The following NIPSNAP3B variants were observed in gnomAD, a reference collection of about 807,000 sequenced individuals.
The protein encoded by NIPSNAP3B is protein NipSnap homolog 3B.
A neutral mutation model predicts 31.5 loss-of-function variants in NIPSNAP3B; 30 were observed. The observed-to-expected ratio is 0.95, with a 90% CI of 0.71 to 1.29. NIPSNAP3B has a LOEUF of 1.29. Ranked by LOEUF, NIPSNAP3B falls within the 50% of genes most tolerant of loss-of-function variation. The pLI, the probability that NIPSNAP3B is intolerant of heterozygous loss-of-function variation, is 0.00. For synonymous variants in NIPSNAP3B, 106 were observed against 107.9 expected, an observed-to-expected ratio of 0.98 and a Z score of 0.11; for missense variants, 269 against 300.7, an observed-to-expected ratio of 0.89 and a Z score of 0.78.
downstream of NIPSNAP3B, chr9:104,781,979 G>A (rs1374479857): frequency 2.0e-5 from 3 of 152,126 alleles, no homozygotes; most frequent in East Asian, 5.8e-4. Flanking sequence ...TTCAGAAGAG[G>A]TCCTTTCAAT....
rs1828357188 is a variant in NIPSNAP3B, at chr9:104,777,306, T to C, written c.*4233T>C. 1 of 152,254 alleles carries C rather than the reference T, an allele frequency of 6.6e-6. No homozygotes were observed. Among genetic ancestry groups the C allele is most frequent in the Admixed American group, 6.5e-5 (1 of 15,290 alleles). The allele number at this position is 152,254 out of a possible 1,614,324, so 9.4% of individuals were successfully genotyped here. A position where few individuals can be genotyped will look rare whatever the true frequency, so the allele number is the denominator to read the frequency against. On this transcript the variant is annotated 3_prime_UTR_variant, in exon 6 of 6. Coordinates refer to ENST00000374762, the MANE Select transcript of NIPSNAP3B (RefSeq NM_018376.4). ...AGGGTGGCAACTGAAGTTGTAGTAC[T>C]TTCTGTCTTCAAAGGAGGGTGAACC...
At chr9:104,785,706 T>C in the NIPSNAP3B span, 4 of 1,600,604 alleles carry the variant, frequency 2.5e-6, no homozygotes, top group Non-Finnish European at 3.4e-6. Context: ...TACTGAACCC[T>C]GGGAACCCAA....
downstream of NIPSNAP3B, chr9:104,782,439 T>C (rs768723417): frequency 6.6e-6 from 1 of 152,170 alleles, no homozygotes; most frequent in Non-Finnish European, 1.5e-5. Flanking sequence ...TGGAAGAAGT[T>C]AGTAATGATA....
chr9:104,779,066 C>CACTT (rs1828390139), downstream of NIPSNAP3B, among the ~76,000 whole-genome samples: 1 of 152,116 alleles, frequency 6.6e-6, no homozygotes, highest in South Asian at 2.1e-4. Flanking sequence ...GCTTTTGCAA[C>CACTT]ACTTATTCTT....
At chr9:104,783,658 C>A in the NIPSNAP3B span, 1 of 152,882 alleles carries the variant, frequency 6.5e-6, no homozygotes, top group Non-Finnish European at 1.5e-5. Flanking sequence ...TTACTGCCAC[C>A]AGAACAGCTT....
chr9:104,779,621 GTT>G (rs11432680), downstream of NIPSNAP3B, among the ~76,000 whole-genome samples: 61 of 147,150 alleles, frequency 4.1e-4, no homozygotes, highest in East Asian at 7.9e-4. Flanking sequence ...AGCTAAGTGG[GTT>G]TTTTTTTTTT....
At chr9:104,788,601 G>A in the NIPSNAP3B span, 2 of 1,612,632 alleles carry the variant, frequency 1.2e-6, no homozygotes, top group Non-Finnish European at 1.7e-6. Context: ...TAGATTTTAA[G>A]CAGGTAGAGA....
chr9:104,767,255 C>T (rs576320126), intron 2 of NIPSNAP3B, among the ~76,000 whole-genome samples: 41 of 152,030 alleles, frequency 2.7e-4, no homozygotes, highest in Non-Finnish European at 4.7e-4. Flanking sequence ...CATTTCTGTA[C>T]CCCAGAGTTT....
At position 104,774,348 on chromosome 9, in the gene NIPSNAP3B, T is replaced by C. The variant is rs942470379; in HGVS notation, c.*1275T>C. ...GATATTATTTATGAGAGGCAGGCAGTGGCAGCTTAAACAGACATACCTCCT... is the reference window on the plus strand; with the variant it reads ...GATATTATTTATGAGAGGCAGGCAGCGGCAGCTTAAACAGACATACCTCCT... On this transcript the variant is annotated 3_prime_UTR_variant, in exon 6 of 6. Transcript: ENST00000374762. Among the ~76,000 whole-genome samples the C allele has an allele frequency of 6.6e-6, 1 of 152,220 alleles. No individual in the cohort carries two copies. Among genetic ancestry groups the C allele is most frequent in the Non-Finnish European group, 1.5e-5 (1 of 68,032 alleles).
chr9:104,788,603 A>T, the NIPSNAP3B span: 3 of 1,612,448 alleles, frequency 1.9e-6, no homozygotes, highest in Non-Finnish European at 2.5e-6. Context: ...GATTTTAAGC[A>T]GGTAGAGATA....
chr9:104,787,985 C>CA, the NIPSNAP3B span: 1 of 1,614,228 alleles, frequency 6.2e-7, no homozygotes. Context: ...TTGTTGCCTC[C>CA]ACTATAGTTA....
rs1162574222 is a variant in NIPSNAP3B, at chr9:104,764,149, G to A, written c.-92G>A. The A allele has an allele frequency of 4.3e-5, 55 of 1,281,848 alleles. No individual in the cohort carries two copies. The East Asian group carries it at 9.3e-4, about 22-fold the overall frequency. The allele number at this position is 1,281,848 out of a possible 1,614,324, so 79.4% of individuals were successfully genotyped here. A position where few individuals can be genotyped will look rare whatever the true frequency, so the allele number is the denominator to read the frequency against. On this transcript the variant is annotated 5_prime_UTR_variant, in exon 1 of 6. Coordinates refer to ENST00000374762, the MANE Select transcript of NIPSNAP3B (RefSeq NM_018376.4). ...CCGCCCCTGCCTGAGTTCGCCAGTG[G>A]TCCAGGAGCCGCTTTTTTCCACTCG...
At position 104,764,210 on chromosome 9, in the gene NIPSNAP3B, T is replaced by C; in HGVS notation, c.-31T>C. On this transcript the variant is annotated 5_prime_UTR_variant, in exon 1 of 6. Coordinates refer to ENST00000374762, the MANE Select transcript of NIPSNAP3B (RefSeq NM_018376.4). ...AGAGAAGTCTCACAAAGGACTCGGC[T>C]GGCTGCTTTTCTCAGTGCCGAAGCC... 1.9e-6 allele frequency: 3 copies of C among 1,590,502 alleles called. No individual in the cohort carries two copies. The highest frequency in any genetic ancestry group is 2.6e-6 in the Non-Finnish European group (3 of 1,169,608).
downstream of NIPSNAP3B, chr9:104,782,519 CAGTA>C (rs1301361486): frequency 6.6e-6 from 1 of 152,086 alleles, no homozygotes; most frequent in Admixed American, 6.5e-5. Flanking sequence ...AGACAGTTAA[CAGTA>C]AGTATTAGTG....
the NIPSNAP3B span, chr9:104,786,197 T>G: frequency 9.7e-7 from 1 of 1,026,704 alleles, no homozygotes. Context: ...TTTGCTCAGT[T>G]TTATTTCCCT....
Position 104,774,776 on chromosome 9 carries a change from G to A in NIPSNAP3B, c.*1703G>A, listed in dbSNP as rs1278799549. ...ACATGACAGAGATTTGCCTTCCAGG[G>A]GGTCTAATTTGAAGAGGAAAGTAAT... On this transcript the variant is annotated 3_prime_UTR_variant, in exon 6 of 6. Coordinates refer to ENST00000374762, the MANE Select transcript of NIPSNAP3B (RefSeq NM_018376.4). 6.6e-6 allele frequency among the ~76,000 whole-genome samples: 1 copy of A among 152,042 alleles called. No homozygotes were observed. Among genetic ancestry groups the A allele is most frequent in the Non-Finnish European group, 1.5e-5 (1 of 67,998 alleles).
the NIPSNAP3B span, among the ~76,000 whole-genome samples, chr9:104,790,096 CA>C: frequency 8.1e-4 from 109 of 135,132 alleles, no homozygotes; most frequent in Admixed American, 6.8e-4. Flanking sequence ...AACTCCGTCT[CA>C]AAAAAAAAAA....
chr9:104,782,459 C>G (rs1427151059), downstream of NIPSNAP3B: 1 of 152,066 alleles, frequency 6.6e-6, no homozygotes, highest in African/African-American at 2.4e-5. Context: ...ATTGAAAGAT[C>G]ACTTGAACTT....
chr9:104,781,884 G>A (rs1828568109), downstream of NIPSNAP3B: 1 of 152,160 alleles, frequency 6.6e-6, no homozygotes, highest in Admixed American at 6.6e-5. Context: ...CCACAATTAG[G>A]TTTACACAGG....
Sources: gnomAD v4.1 joint callset for allele counts (sites outside exome capture counted in the v4.1 genomes callset) on GRCh38, gnomAD v4.1.1 for gene constraint, MANE v1.5 for transcripts, NCBI Gene and HGNC (gene_info 2026-07-23, HGNC 2026-07-21) for gene names.